The following EXOC4 variants were observed in gnomAD, a reference collection of about 807,000 sequenced individuals.
EXOC4 encodes SEC8-like 1.
Under a neutral mutation model 107.2 loss-of-function variants are expected in EXOC4, and 71 were observed. That is an observed-to-expected ratio of 0.66 (90% CI 0.55 to 0.81). The LOEUF (loss-of-function observed/expected upper bound fraction) is 0.81, where lower values mean the gene tolerates loss of function less well. EXOC4 is among the 30% of genes least tolerant of loss of function. The pLI, the probability that EXOC4 is intolerant of heterozygous loss-of-function variation, is 0.00. For synonymous variants in EXOC4, 456 were observed against 441.2 expected, an observed-to-expected ratio of 1.03 and a Z score of -0.42; for missense variants, 1,108 against 1,189.6, an observed-to-expected ratio of 0.93 and a Z score of 1.01.
intron 17 of EXOC4, among the ~76,000 whole-genome samples, chr7:134,061,339 T>G (rs182096418): frequency 6.6e-6 from 1 of 152,344 alleles, no homozygotes; most frequent in Non-Finnish European, 1.5e-5. Context: ...AAACCTTTTA[T>G]TGCTTCTGTA....
chr7:133,298,602 G>A (rs1399437277), intron 3 of EXOC4, among the ~76,000 whole-genome samples: 1 of 151,996 alleles, frequency 6.6e-6, no homozygotes, highest in African/African-American at 2.4e-5. Flanking sequence ...TTTTTTCTAA[G>A]CTTTCCTATG....
At chr7:133,487,962 G>C (rs1799302050) in intron 9 of EXOC4, among the ~76,000 whole-genome samples, 2 of 152,044 alleles carry the variant, frequency 1.3e-5, no homozygotes, top group African/African-American at 2.4e-5. Context: ...CACTCATTAT[G>C]AGTTAAGCCT....
intron 10 of EXOC4, among the ~76,000 whole-genome samples, chr7:133,745,266 A>G (rs1475505308): frequency 6.6e-6 from 1 of 152,186 alleles, no homozygotes; most frequent in East Asian, 1.9e-4. Context: ...GCACTAAGGC[A>G]GTAGAGTGTA....
chr7:133,432,414 C>A (rs560079142), intron 7 of EXOC4, among the ~76,000 whole-genome samples: 59 of 152,186 alleles, frequency 3.9e-4, no homozygotes, highest in Non-Finnish European at 6.6e-4. Flanking sequence ...ATATAGTAGG[C>A]ATTTAATAGC....
chr7:133,457,566 G>A (rs1389914952), intron 7 of EXOC4, among the ~76,000 whole-genome samples: 4 of 152,052 alleles, frequency 2.6e-5, no homozygotes, highest in Admixed American at 2.6e-4. Flanking sequence ...AATACTTGTT[G>A]GATTGAATCA....
Position 133,476,783 on chromosome 7 carries a change from A to G in EXOC4, c.1328+1310A>G, listed in dbSNP as rs535478345. On this transcript the variant is annotated intron_variant, in intron 8 of 17. Coordinates refer to ENST00000253861, the MANE Select transcript of EXOC4 (RefSeq NM_021807.4). ...TAGATTGAACTATAGGAAAGTTACT[A>G]TCTCACGTAACAAGGATGAATGTGG... 1.7e-3 allele frequency among the ~76,000 whole-genome samples: 253 copies of G among 152,316 alleles called. 1 individual carries two copies. The highest frequency in any genetic ancestry group is 5.6e-3 in the African/African-American group (231 of 41,580).
chr7:133,311,381 A>G, intron 4 of EXOC4, among the ~76,000 whole-genome samples: 1 of 152,148 alleles, frequency 6.6e-6, no homozygotes, highest in South Asian at 2.1e-4. Context: ...GACAAAATAG[A>G]GTTGAGAAAT....
At chr7:134,060,427 C>A (rs995387405) in intron 17 of EXOC4, among the ~76,000 whole-genome samples, 2 of 152,308 alleles carry the variant, frequency 1.3e-5, no homozygotes, top group African/African-American at 4.8e-5. Context: ...CAGAAAATGT[C>A]TCAATCAAAT....
intron 11 of EXOC4, among the ~76,000 whole-genome samples, chr7:133,884,052 A>G (rs965541254): frequency 2.6e-5 from 4 of 152,250 alleles, no homozygotes; most frequent in African/African-American, 9.6e-5. Flanking sequence ...CTGACTTGTC[A>G]TTGAATATGC....
chr7:133,396,879 T>C (rs1796980612), intron 7 of EXOC4, among the ~76,000 whole-genome samples: 1 of 152,200 alleles, frequency 6.6e-6, no homozygotes, highest in South Asian at 2.1e-4. Flanking sequence ...CCTGTTGTAA[T>C]GGAAAAAGAA....
At chr7:133,550,652 A>G (rs1800569785) in intron 9 of EXOC4, among the ~76,000 whole-genome samples, 1 of 152,158 alleles carries the variant, frequency 6.6e-6, no homozygotes, top group African/African-American at 2.4e-5. Context: ...ATAAGAGATA[A>G]GCGTAAGCAC....
At chr7:133,889,403 T>G (rs1462035717) in intron 11 of EXOC4, among the ~76,000 whole-genome samples, 1 of 151,076 alleles carries the variant, frequency 6.6e-6, no homozygotes, top group Non-Finnish European at 1.5e-5. Flanking sequence ...AGAGCTATTT[T>G]ATTATTATTA....
intron 5 of EXOC4, among the ~76,000 whole-genome samples, chr7:133,337,725 C>T (rs754912664): frequency 6.8e-6 from 1 of 147,232 alleles, no homozygotes; most frequent in Non-Finnish European, 1.5e-5. Context: ...TCTCAACCTT[C>T]CAGGCTTAGT....
At chr7:133,776,877 T>A (rs1342204221) in intron 10 of EXOC4, among the ~76,000 whole-genome samples, 2 of 152,130 alleles carry the variant, frequency 1.3e-5, no homozygotes, top group African/African-American at 2.4e-5. Context: ...CCTAATTGCT[T>A]GATATCTAAG....
chr7:133,662,631 CAA>C (rs1318820572), intron 10 of EXOC4, among the ~76,000 whole-genome samples: 2 of 147,866 alleles, frequency 1.4e-5, no homozygotes, highest in Non-Finnish European at 3.0e-5. Flanking sequence ...ACAACAACAA[CAA>C]CAAAATAGCG....
intron 9 of EXOC4, among the ~76,000 whole-genome samples, chr7:133,561,627 G>A (rs1169306602): frequency 2.0e-5 from 3 of 152,144 alleles, no homozygotes; most frequent in African/African-American, 4.8e-5. Flanking sequence ...TTGCTATAAC[G>A]TTGATGAGAA....
intron 10 of EXOC4, among the ~76,000 whole-genome samples, chr7:133,694,939 C>T (rs1307103407): frequency 6.6e-6 from 1 of 152,204 alleles, no homozygotes; most frequent in Non-Finnish European, 1.5e-5. Context: ...TCTCCTGCCT[C>T]AGCCTCCCGA....
At chr7:133,920,456 C>T (rs1799913268) in intron 13 of EXOC4, among the ~76,000 whole-genome samples, 1 of 152,018 alleles carries the variant, frequency 6.6e-6, no homozygotes, top group Non-Finnish European at 1.5e-5. Flanking sequence ...TGTCTTTTAC[C>T]ATATTAGTTA....
intron 11 of EXOC4, among the ~76,000 whole-genome samples, chr7:133,832,008 A>G (rs1407484920): frequency 3.3e-5 from 5 of 152,192 alleles, no homozygotes; most frequent in Non-Finnish European, 7.3e-5. Context: ...ACTTAACTGT[A>G]TACATGGAGT....
Sources: allele counts gnomAD v4.1 joint callset (sites outside exome capture counted in the v4.1 genomes callset), GRCh38; gene constraint gnomAD v4.1.1; transcripts MANE v1.5; gene names NCBI Gene and HGNC (gene_info 2026-07-23, HGNC 2026-07-21).